The following PCDH11X variants were observed in gnomAD, a reference collection of about 807,000 sequenced individuals.
PCDH11X encodes the protein protocadherin-11 X-linked.
In PCDH11X, 18 loss-of-function variants were observed where a neutral mutation model predicts 53.3. That is an observed-to-expected ratio of 0.34 (90% CI 0.23 to 0.50). PCDH11X has a LOEUF of 0.50. PCDH11X is among the 20% of genes least tolerant of loss of function. The pLI is 0.98. For synonymous variants in PCDH11X, 279 were observed against 393.3 expected, an observed-to-expected ratio of 0.71 and a Z score of 3.44; for missense variants, 570 against 1,032.4, an observed-to-expected ratio of 0.55 and a Z score of 6.14.
intron 7 of PCDH11X, among the ~76,000 whole-genome samples, chrX:92,240,692 G>A (rs1206869067): frequency 1.8e-5 from 2 of 111,442 alleles, no homozygotes; most frequent in Non-Finnish European, 3.8e-5. Flanking sequence ...AAATGTCAAA[G>A]CTTGTATTTT....
chrX:92,327,625 A>G (rs1472453242), intron 8 of PCDH11X, among the ~76,000 whole-genome samples: 5 of 107,648 alleles, frequency 4.6e-5, no homozygotes, highest in Non-Finnish European at 9.6e-5. Flanking sequence ...TGACTTTTTC[A>G]GAATTCAATT....
At chrX:92,479,440 T>C (rs1021053753) in intron 10 of PCDH11X, among the ~76,000 whole-genome samples, 22 of 107,310 alleles carry the variant, frequency 2.1e-4, no homozygotes, top group Non-Finnish European at 3.9e-4. Flanking sequence ...GTCTGTGTGG[T>C]TCTTCATAGC....
At chrX:91,850,550 C>T (rs934003614) in intron 5 of PCDH11X, among the ~76,000 whole-genome samples, 4 of 111,060 alleles carry the variant, frequency 3.6e-5, no homozygotes, top group Admixed American at 2.9e-4. Flanking sequence ...TATTTTCTAC[C>T]ATATTGCTCA....
At chrX:91,931,894 C>T (rs185562416) in intron 6 of PCDH11X, among the ~76,000 whole-genome samples, 1 of 110,836 alleles carries the variant, frequency 9.0e-6, no homozygotes, top group Non-Finnish European at 1.9e-5. Flanking sequence ...TAAATATGTG[C>T]CATGGTGGTT....
At chrX:92,375,576 ATATT>A (rs2070733476) in intron 8 of PCDH11X, among the ~76,000 whole-genome samples, 1 of 109,298 alleles carries the variant, frequency 9.1e-6, no homozygotes, top group Non-Finnish European at 1.9e-5. Flanking sequence ...AGATTATTGC[ATATT>A]TAAAGTGTTT....
rs1569290358 is a variant in PCDH11X at position 91,980,983 on chromosome X, T to TATATATATACACTGA, written c.3033+101719_3033+101720insCACTGAATATATATA. 1.5e-3 allele frequency among the ~76,000 whole-genome samples: 150 copies of TATATATATACACTGA among 100,879 alleles called. 1 individual carries two copies. The highest frequency in any genetic ancestry group is 5.3e-3 in the African/African-American group (146 of 27,311). 87.6% of individuals were successfully genotyped at this position (100,879 alleles called of 115,157 possible). On this transcript the variant is annotated intron_variant, in intron 6 of 10. Coordinates refer to ENST00000682573, the MANE Select transcript of PCDH11X (RefSeq NM_032968.5). ...TATATATATATATATACACTGAATA[T>TATATATATACACTGA]ATATATATATATACACTGAATATAT... is the stretch of plus-strand genomic sequence containing the variant.
intron 10 of PCDH11X, among the ~76,000 whole-genome samples, chrX:92,570,545 G>A (rs775096914): frequency 2.9e-5 from 3 of 104,539 alleles, no homozygotes; most frequent in African/African-American, 1.0e-4. Flanking sequence ...GTAATTAGGT[G>A]ATCTTACTGA....
At chrX:92,069,072 G>C (rs1369347408) in intron 6 of PCDH11X, among the ~76,000 whole-genome samples, 2 of 109,262 alleles carry the variant, frequency 1.8e-5, no homozygotes, top group Non-Finnish European at 3.8e-5. Flanking sequence ...TGAAAGCGGG[G>C]TGAAGTCTCT....
At chrX:92,020,874 C>T (rs1444373564) in intron 6 of PCDH11X, among the ~76,000 whole-genome samples, 1 of 111,107 alleles carries the variant, frequency 9.0e-6, no homozygotes, top group African/African-American at 3.3e-5. Flanking sequence ...CCAGCCTCCT[C>T]GAGTGACATC....
intron 6 of PCDH11X, among the ~76,000 whole-genome samples, chrX:91,980,956 TATATATATATATATATACACTGA>T (rs1354050077): frequency 9.0e-4 from 71 of 79,039 alleles, no homozygotes; most frequent in Non-Finnish European, 1.1e-3. Context: ...TTTATATATG[TATATATATATATATATACACTGA>T]ATATATATAT....
In PCDH11X at chrX:92,388,010, A is replaced by G. The variant is rs1404749585; in HGVS notation, c.3343+77A>G. On this transcript the variant is annotated intron_variant, in intron 9 of 10. Transcript: ENST00000682573. The stretch of plus-strand genomic sequence containing the variant: ...AACTCAAGCTATCATAGCCATAATA[A>G]CATGGGCTAATTCATTATGTTATTG... The G allele has an allele frequency of 3.3e-5, 39 of 1,184,504 alleles. No individual in the cohort carries two copies. The East Asian group carries it at 1.1e-3, about 34-fold the overall frequency.
intron 10 of PCDH11X, among the ~76,000 whole-genome samples, chrX:92,515,038 T>G (rs1282784514): frequency 1.3e-5 from 1 of 77,550 alleles, no homozygotes; most frequent in Non-Finnish European, 2.4e-5. Flanking sequence ...CAGAGCGAGA[T>G]TCCACCTCAA....
chrX:92,370,123 CTAATGTGATTTTTCTTTCTAATATTTTA>C (rs1160560252), intron 8 of PCDH11X, among the ~76,000 whole-genome samples: 23 of 109,735 alleles, frequency 2.1e-4, no homozygotes, highest in Middle Eastern at 4.7e-3. Context: ...AAGATATTTT[CTAATGTGATTTTTCTTTCTAATATTTTA>C]TAATGTGATT....
At chrX:92,416,311 A>G (rs1338773242) in intron 9 of PCDH11X, among the ~76,000 whole-genome samples, 2 of 110,568 alleles carry the variant, frequency 1.8e-5, no homozygotes, top group Non-Finnish European at 3.8e-5. Flanking sequence ...AAAAAAACTG[A>G]AAGAGTGTAA....
chrX:92,437,926 A>T (rs911054905), intron 9 of PCDH11X, among the ~76,000 whole-genome samples: 4 of 111,906 alleles, frequency 3.6e-5, no homozygotes, highest in East Asian at 5.6e-4. Context: ...ATTTAAGTGT[A>T]TTGAAAACAA....
At chrX:92,250,611 A>AT (rs2067440070) in intron 7 of PCDH11X, among the ~76,000 whole-genome samples, 16 of 106,059 alleles carry the variant, frequency 1.5e-4, no homozygotes, top group Non-Finnish European at 2.7e-4. Context: ...ATATATATAT[A>AT]AAATAATATG....
intron 6 of PCDH11X, among the ~76,000 whole-genome samples, chrX:91,911,241 CT>C: frequency 9.1e-6 from 1 of 109,810 alleles, no homozygotes; most frequent in Admixed American, 9.8e-5. Flanking sequence ...ATTAAATCCA[CT>C]TTTCATGTCC....
intron 6 of PCDH11X, among the ~76,000 whole-genome samples, chrX:91,988,785 C>A (rs1359035802): frequency 9.0e-6 from 1 of 111,682 alleles, no homozygotes; most frequent in Non-Finnish European, 1.9e-5. Flanking sequence ...GGACACAGAC[C>A]AGTGCAGATC....
chrX:92,280,217 A>G (rs1043494041), intron 8 of PCDH11X, among the ~76,000 whole-genome samples: 2 of 111,838 alleles, frequency 1.8e-5, no homozygotes, highest in Admixed American at 1.9e-4. Flanking sequence ...TGATTTTTGC[A>G]CAATGAAGAC....
Sources: gnomAD v4.1 joint callset for allele counts (sites outside exome capture counted in the v4.1 genomes callset) on GRCh38, gnomAD v4.1.1 for gene constraint, MANE v1.5 for transcripts, NCBI Gene and HGNC (gene_info 2026-07-23, HGNC 2026-07-21) for gene names.